TMIGD3: variants seen among roughly 807,000 people sequenced by gnomAD.
TMIGD3 encodes AD026 protein (AD026).
TMIGD3 carries 21 observed loss-of-function variants against 28.1 expected under a neutral mutation model. That is an observed-to-expected ratio of 0.75 (90% confidence interval 0.53 to 1.08). The LOEUF is 1.08. Ranked by LOEUF, TMIGD3 falls within the 50% of genes least tolerant of loss-of-function variation. The pLI is 0.00. For missense variants in TMIGD3, 416 were observed against 435.6 expected, an observed-to-expected ratio of 0.96 and a Z score of 0.40; for synonymous variants, 151 against 162.1, an observed-to-expected ratio of 0.93 and a Z score of 0.52.
chr1:111,503,592 C>A lies in TMIGD3; in HGVS notation c.-238G>T, dbSNP rs1201482635. 4.1e-5 allele frequency: 55 copies of A among 1,344,248 alleles called. No individual in the cohort carries two copies. In the Admixed American group the frequency reaches 1.6e-3, roughly 38 times the overall value. The allele number at this position is 1,344,248 out of a possible 1,614,324, so 83.3% of individuals were successfully genotyped here. A position where few individuals can be genotyped will look rare whatever the true frequency, so the allele number is the denominator to read the frequency against. On this transcript the variant is annotated 5_prime_UTR_variant, in exon 1 of 6. Transcript: ENST00000369716. ...TCCAGCCCCTTTATGCACCGCACAT[C>A]CTCAAGTTTCCAGAATGCTGTAGGA...
At chr1:111,499,419 T>C (rs1655045386) in intron 1 of TMIGD3, 1 of 990,432 alleles carries the variant, frequency 1.0e-6, no homozygotes, top group African/African-American at 1.7e-5. Flanking sequence ...AGCAAAGAGC[T>C]ACACTCCAGT....
At chr1:111,524,028 C>CTTTTTTTTTTTTTT (rs35046603) in intron 1 of TMIGD3, among the ~76,000 whole-genome samples, 3 of 108,784 alleles carry the variant, frequency 2.8e-5, no homozygotes, top group East Asian at 2.6e-4. Flanking sequence ...TCTTTCTTTT[C>CTTTTTTTTTTTTTT]TTTTTTTTTT....
upstream of TMIGD3, chr1:111,504,188 C>T (rs1225282175): frequency 2.1e-6 from 2 of 932,690 alleles, no homozygotes; most frequent in Non-Finnish European, 2.6e-6. Context: ...CTCTGAGAAG[C>T]ATCACACCTG....
intron 3 of TMIGD3, 130 bp downstream of exon 3, chr1:111,488,547 A>G: frequency 1.3e-6 from 1 of 748,604 alleles, no homozygotes; most frequent in African/African-American, 1.8e-5. Flanking sequence ...AGGAAGAGAG[A>G]GGCCAGGCAG....
chr1:111,485,877 A>G, intron 4 of TMIGD3, 37 bp from the exon 5 acceptor site: 1 of 1,510,198 alleles, frequency 6.6e-7, no homozygotes, highest in Non-Finnish European at 9.1e-7. Flanking sequence ...GTTGCTTGGA[A>G]GAAACTGCCT....
At chr1:111,492,500 C>T (rs1235987750) in intron 1 of TMIGD3, among the ~76,000 whole-genome samples, 1 of 152,078 alleles carries the variant, frequency 6.6e-6, no homozygotes, top group East Asian at 1.9e-4. Context: ...GCACAGATAT[C>T]AGCAAAATGC....
rs41282516 is a variant in TMIGD3, at chr1:111,488,656, G to T, written c.805+21C>A. On this transcript the variant is annotated intron_variant, in intron 3 of 5. Transcript: ENST00000369716. ...CATGGCTGTGGGTTACATCCAGCCAGACCCCAGGCAGGCTCCTTACCTTTC... is the reference window on the plus strand; with the variant it reads ...CATGGCTGTGGGTTACATCCAGCCATACCCCAGGCAGGCTCCTTACCTTTC... The T allele has an allele frequency of 0.12, 188,099 of 1,600,318 alleles. 12,362 individuals carry two copies. The highest frequency in any genetic ancestry group is 0.17 in the Middle Eastern group (1,017 of 5,992).
intron 1 of TMIGD3, among the ~76,000 whole-genome samples, chr1:111,551,421 T>C (rs1164861157): frequency 6.6e-6 from 1 of 152,226 alleles, no homozygotes; most frequent in Non-Finnish European, 1.5e-5. Flanking sequence ...GCTATTTTCT[T>C]GGCAATTTCC....
At chr1:111,546,479 T>C (rs1276209032) in intron 1 of TMIGD3, among the ~76,000 whole-genome samples, 1 of 152,176 alleles carries the variant, frequency 6.6e-6, no homozygotes, top group Admixed American at 6.5e-5. Context: ...TCTCTGTGAA[T>C]TGGACTACTC....
At chr1:111,554,326 C>A (rs538479394) in intron 1 of TMIGD3, among the ~76,000 whole-genome samples, 70 of 152,296 alleles carry the variant, frequency 4.6e-4, no homozygotes, top group African/African-American at 1.7e-3. Flanking sequence ...AAAAACCTCT[C>A]AAACCTACCA....
chr1:111,522,846 T>C (rs1205803235), intron 1 of TMIGD3, among the ~76,000 whole-genome samples: 1 of 152,230 alleles, frequency 6.6e-6, no homozygotes. Context: ...GTGTCTCATG[T>C]TCATTACTAG....
At chr1:111,520,033 C>A (rs761826950) in intron 1 of TMIGD3, among the ~76,000 whole-genome samples, 1 of 152,068 alleles carries the variant, frequency 6.6e-6, no homozygotes, top group South Asian at 2.1e-4. Context: ...GTACACAGAC[C>A]CGGTTAACCA....
chr1:111,495,504 C>T (rs527402104), intron 1 of TMIGD3, among the ~76,000 whole-genome samples: 21 of 152,310 alleles, frequency 1.4e-4, no homozygotes, highest in Admixed American at 3.9e-4. Flanking sequence ...AACACTTATA[C>T]GCTGTTGGTG....
intron 1 of TMIGD3, among the ~76,000 whole-genome samples, chr1:111,515,193 G>A (rs550259388): frequency 1.3e-5 from 2 of 152,320 alleles, no homozygotes; most frequent in Admixed American, 6.5e-5. Context: ...AATCTCTAGA[G>A]TGAGACCTAG....
At chr1:111,539,936 G>T (rs1176767293) in intron 1 of TMIGD3, among the ~76,000 whole-genome samples, 1 of 152,070 alleles carries the variant, frequency 6.6e-6, no homozygotes, top group African/African-American at 2.4e-5. Flanking sequence ...AAATATGTTT[G>T]GTGCGTGACT....
At chr1:111,495,041 C>T (rs1029694854) in intron 1 of TMIGD3, among the ~76,000 whole-genome samples, 10 of 152,018 alleles carry the variant, frequency 6.6e-5, no homozygotes, top group South Asian at 2.1e-4. Flanking sequence ...CTATAAAAAC[C>T]CTGGAAGGCA....
intron 1 of TMIGD3, among the ~76,000 whole-genome samples, chr1:111,534,868 A>T (rs773289165): frequency 1.9e-4 from 29 of 152,182 alleles, no homozygotes; most frequent in Non-Finnish European, 2.8e-4. Context: ...CTTTCTACTT[A>T]TCTTATGTAT....
chr1:111,544,111 G>C (rs12747022), intron 1 of TMIGD3, among the ~76,000 whole-genome samples: 12,778 of 152,164 alleles, frequency 0.084, 747 homozygotes, highest in Middle Eastern at 0.15. Context: ...AAAATAGCAG[G>C]CTCCCTTTTC....
Position 111,483,426 on chromosome 1 carries a change from T to C in TMIGD3, c.*261A>G. ...TGGTCCCCAATCCAGATTCTCCACC[T>C]CTTCTTCACTTCTGACTGATGGAAT... On this transcript the variant is annotated 3_prime_UTR_variant, in exon 6 of 6. Coordinates refer to ENST00000369716, the MANE Select transcript of TMIGD3 (RefSeq NM_020683.7). 2.4e-6 allele frequency: 1 copy of C among 412,552 alleles called. No individual in the cohort carries two copies. The highest frequency in any genetic ancestry group is 4.4e-6 in the Non-Finnish European group (1 of 227,094). 25.6% of individuals were successfully genotyped at this position (412,552 alleles called of 1,614,324 possible). A position where few individuals can be genotyped will look rare whatever the true frequency, so the allele number is the denominator to read the frequency against.
Sources: gnomAD v4.1 joint callset for allele counts (sites outside exome capture counted in the v4.1 genomes callset) on GRCh38, gnomAD v4.1.1 for gene constraint, MANE v1.5 for transcripts, NCBI Gene and HGNC (gene_info 2026-07-23, HGNC 2026-07-21) for gene names.